Variants in ZBTB44 observed in about 807,000 individuals in gnomAD.
ZBTB44 encodes zinc finger and BTB domain containing 44.
In ZBTB44, 15 loss-of-function variants were observed where a neutral mutation model predicts 54.0. That is an observed-to-expected ratio of 0.28 (90% CI 0.19 to 0.43). The LOEUF (loss-of-function observed/expected upper bound fraction) is 0.43, where lower values mean the gene tolerates loss of function less well. Among genes scored for constraint, ZBTB44 ranks in the 20% least tolerant of loss-of-function variants. The probability of loss-of-function intolerance (pLI) is 1.00; values close to 1 mark genes in which losing one functional copy is unlikely to be tolerated. For missense variants in ZBTB44, 487 were observed against 707.1 expected (o/e 0.69, Z 3.53); for synonymous variants, 230 against 250.1 (o/e 0.92, Z 0.76).
At chr11:130,236,483 C>G (rs1954117280) in intron 5 of ZBTB44, 1 of 259,078 alleles carries the variant, frequency 3.9e-6, no homozygotes, top group Non-Finnish European at 7.1e-6. Context: ...CCAGTAAGAT[C>G]TATTTAAGGT....
At chr11:130,293,922 G>A (rs1009236419) in intron 1 of ZBTB44, among the ~76,000 whole-genome samples, 4 of 152,076 alleles carry the variant, frequency 2.6e-5, no homozygotes, top group African/African-American at 9.7e-5. Context: ...AAAAGTAATG[G>A]AGAGTTATCA....
intron 1 of ZBTB44, among the ~76,000 whole-genome samples, chr11:130,275,844 T>C (rs982921196): frequency 2.6e-5 from 4 of 152,044 alleles, no homozygotes; most frequent in Non-Finnish European, 4.4e-5. Context: ...GCCAGGATGG[T>C]CTCGATCTCT....
intron 1 of ZBTB44, among the ~76,000 whole-genome samples, chr11:130,286,032 G>C (rs80241487): frequency 0.022 from 3,297 of 152,320 alleles, 95 homozygotes; most frequent in African/African-American, 0.066. Flanking sequence ...TCTGTTCAAA[G>C]CAGTAAATCA....
intron 1 of ZBTB44, among the ~76,000 whole-genome samples, chr11:130,286,373 T>G (rs1476935466): frequency 2.6e-5 from 4 of 152,102 alleles, no homozygotes; most frequent in Non-Finnish European, 2.9e-5. Flanking sequence ...TACAATAAAC[T>G]TAAAAAAAAT....
At chr11:130,301,109 T>C (rs535186519) in intron 1 of ZBTB44, among the ~76,000 whole-genome samples, 1 of 152,196 alleles carries the variant, frequency 6.6e-6, no homozygotes, top group African/African-American at 2.4e-5. Flanking sequence ...ATAAGGTCCC[T>C]AGATAGGTAG....
intron 1 of ZBTB44, among the ~76,000 whole-genome samples, chr11:130,311,209 T>C (rs1351288402): frequency 6.6e-6 from 1 of 151,904 alleles, no homozygotes; most frequent in African/African-American, 2.4e-5. Flanking sequence ...AGCAAATAAG[T>C]TTATTATTTT....
intron 1 of ZBTB44, among the ~76,000 whole-genome samples, chr11:130,265,397 G>C (rs1347538562): frequency 6.6e-6 from 1 of 152,082 alleles, no homozygotes; most frequent in Admixed American, 6.5e-5. Context: ...GCTAATTTTT[G>C]TATTTTTAGT....
rs1954134297 is a variant in ZBTB44, at chr11:130,236,960, G to A, written c.1401C>T (p.Phe467=). Residue 467 remains phenylalanine (F), a synonymous_variant, in exon 5 of 8, where the codon TTC becomes TTT. Transcript: ENST00000357899. ...CCCTCATGTGGTGTTTATATTCCCC[G>A]AAGGAAGTGAAAGTGGCACTACATA... is the stretch of plus-strand genomic sequence containing the variant. The part of the protein sequence containing the change: ...CQICSATFTS[F]GEYKHHMRVS... 6.2e-7 allele frequency: 1 copy of A among 1,613,288 alleles called. No homozygotes were observed. The highest frequency in any genetic ancestry group is 8.5e-7 in the Non-Finnish European group (1 of 1,179,630).
At chr11:130,271,139 A>G (rs1256711902) in intron 1 of ZBTB44, among the ~76,000 whole-genome samples, 1 of 152,226 alleles carries the variant, frequency 6.6e-6, no homozygotes, top group Non-Finnish European at 1.5e-5. Flanking sequence ...TTTATGTTAT[A>G]AAATTTCTGT....
chr11:130,314,026 G>T (rs1318516355), intron 1 of ZBTB44, among the ~76,000 whole-genome samples: 1 of 151,916 alleles, frequency 6.6e-6, no homozygotes, highest in Admixed American at 6.6e-5. Context: ...GAAGGGGAAA[G>T]GAGGAAAAAA....
chr11:130,232,680 C>T (rs927137756), intron 7 of ZBTB44: 2 of 152,090 alleles, frequency 1.3e-5, no homozygotes, highest in Non-Finnish European at 2.9e-5. Context: ...GACAATGTAT[C>T]GCTGTCATAT....
chr11:130,296,889 A>G (rs1365471425), intron 1 of ZBTB44: 1 of 730,830 alleles, frequency 1.4e-6, no homozygotes, highest in Non-Finnish European at 2.5e-6. Flanking sequence ...ATTTGATTTC[A>G]AAGTGCCTGC....
intron 1 of ZBTB44, among the ~76,000 whole-genome samples, chr11:130,275,078 A>G (rs1939959551): frequency 6.6e-6 from 1 of 152,214 alleles, no homozygotes; most frequent in Non-Finnish European, 1.5e-5. Context: ...CATTTGACAT[A>G]TGACAATTAT....
At chr11:130,291,031 C>T (rs1941274404) in intron 1 of ZBTB44, among the ~76,000 whole-genome samples, 1 of 152,180 alleles carries the variant, frequency 6.6e-6, no homozygotes. Context: ...TTCCCACTCT[C>T]CCAGCTCTGG....
At chr11:130,247,185 G>C (rs2136331470) in intron 2 of ZBTB44, among the ~76,000 whole-genome samples, 1 of 152,242 alleles carries the variant, frequency 6.6e-6, no homozygotes, top group South Asian at 2.1e-4. Flanking sequence ...AAACCCCATG[G>C]TGTATAATCT....
chr11:130,242,790 T>A (rs1330190820), intron 2 of ZBTB44, among the ~76,000 whole-genome samples: 1 of 152,192 alleles, frequency 6.6e-6, no homozygotes, highest in African/African-American at 2.4e-5. Context: ...CTATTCCTGT[T>A]TGGGACTGGT....
chr11:130,237,867 G>A, intron 4 of ZBTB44, among the ~76,000 whole-genome samples: 1 of 152,130 alleles, frequency 6.6e-6, no homozygotes, highest in East Asian at 1.9e-4. Flanking sequence ...TTACCCACAA[G>A]AATCCTGTTG....
At chr11:130,274,579 A>G (rs1469852653) in intron 1 of ZBTB44, among the ~76,000 whole-genome samples, 5 of 152,230 alleles carry the variant, frequency 3.3e-5, no homozygotes, top group Non-Finnish European at 7.3e-5. Context: ...AGGGAATTCA[A>G]TGAGTCAAAT....
At chr11:130,258,488 T>C (rs972586888) in intron 2 of ZBTB44, among the ~76,000 whole-genome samples, 19 of 152,318 alleles carry the variant, frequency 1.2e-4, no homozygotes, top group Admixed American at 2.0e-4. Context: ...GTTTTTGTTT[T>C]TATCCCTTTA....
Sources: gnomAD v4.1 joint callset for allele counts (sites outside exome capture counted in the v4.1 genomes callset) on GRCh38, gnomAD v4.1.1 for gene constraint, MANE v1.5 for transcripts, NCBI Gene and HGNC (gene_info 2026-07-23, HGNC 2026-07-21) for gene names.